The following TRDN variants were observed in gnomAD, a reference collection of about 807,000 sequenced individuals.
The protein encoded by TRDN is triadin in skeletal muscle.
Under a neutral mutation model 149.7 loss-of-function variants are expected in TRDN, and 161 were observed. That is an observed-to-expected ratio of 1.08 (90% CI 0.95 to 1.23). The LOEUF is 1.23. Among genes scored for constraint, TRDN ranks in the 50% most tolerant of loss-of-function variants. The probability of loss-of-function intolerance (pLI) is 0.00; values close to 1 mark genes in which losing one functional copy is unlikely to be tolerated. For synonymous variants in TRDN, 294 were observed against 250.5 expected (o/e 1.17, Z -1.64); for missense variants, 896 against 823.5 (o/e 1.09, Z -1.08).
At chr6:123,475,931 G>C (rs1221378926) in intron 9 of TRDN, among the ~76,000 whole-genome samples, 3 of 148,524 alleles carry the variant, frequency 2.0e-5, no homozygotes, top group Non-Finnish European at 4.5e-5. Flanking sequence ...AGCTATCTAT[G>C]ACAAACCCAC....
chr6:123,472,111 C>T (rs1287273660), intron 9 of TRDN, among the ~76,000 whole-genome samples: 2 of 150,652 alleles, frequency 1.3e-5, no homozygotes, highest in African/African-American at 2.5e-5. Context: ...CTCCAGTCTA[C>T]AGCTCCCAGC....
intron 1 of TRDN, among the ~76,000 whole-genome samples, chr6:123,594,923 G>T (rs1783961218): frequency 7.1e-6 from 1 of 141,530 alleles, no homozygotes; most frequent in Admixed American, 7.0e-5. Context: ...AAGCAAACAA[G>T]CAAGTGAAAA....
chr6:123,450,311 C>T (rs1775692573), intron 10 of TRDN, among the ~76,000 whole-genome samples: 1 of 152,088 alleles, frequency 6.6e-6, no homozygotes, highest in South Asian at 2.1e-4. Context: ...TAAGAAATCA[C>T]CAACCAACTA....
chr6:123,451,547 C>A (rs1775772181), intron 10 of TRDN, among the ~76,000 whole-genome samples: 1 of 151,932 alleles, frequency 6.6e-6, no homozygotes, highest in Non-Finnish European at 1.5e-5. Context: ...TAGTTTAAAT[C>A]AGGAAGAATT....
chr6:123,329,764 T>C (rs1465780326), intron 23 of TRDN, among the ~76,000 whole-genome samples: 1 of 152,080 alleles, frequency 6.6e-6, no homozygotes, highest in Non-Finnish European at 1.5e-5. Context: ...TAAAAATGAC[T>C]AATTAAAATC....
chr6:123,379,312 G>A (rs565377872), intron 16 of TRDN, among the ~76,000 whole-genome samples: 1 of 152,230 alleles, frequency 6.6e-6, no homozygotes, highest in East Asian at 1.9e-4. Flanking sequence ...TTTTAAGACA[G>A]CCTTTAAGCA....
chr6:123,502,411 T>C (rs1271239631), intron 8 of TRDN: 1 of 605,068 alleles, frequency 1.7e-6, no homozygotes, highest in African/African-American at 2.0e-5. Context: ...ATATGACTTA[T>C]ATCTTAAAAT....
At chr6:123,290,162 C>A (rs2114648943) in intron 24 of TRDN, among the ~76,000 whole-genome samples, 1 of 152,252 alleles carries the variant, frequency 6.6e-6, no homozygotes, top group South Asian at 2.1e-4. Flanking sequence ...TTCACTCCTT[C>A]CCTTCTTTAT....
intron 38 of TRDN, among the ~76,000 whole-genome samples, chr6:123,240,337 C>A (rs1775945070): frequency 6.6e-6 from 1 of 151,336 alleles, no homozygotes. Flanking sequence ...TAAATGAAAG[C>A]TATGAAAAAA....
rs79684861 is a variant in TRDN, at chr6:123,369,374, A to G, written c.1274-3192T>C. Among the ~76,000 whole-genome samples the G allele has an allele frequency of 3.0e-3, 459 of 152,180 alleles. 12 individuals are homozygous for G. In the East Asian group the frequency reaches 0.075, roughly 25 times the overall value. On this transcript the variant is annotated intron_variant, in intron 19 of 40. Transcript: ENST00000334268. Reference sequence around the variant, plus strand: ...ATAGGTACCAGGGTAGAGCTTCAACATATCTTTTGGTGGGAGGCACGAATC... The same window carrying G: ...ATAGGTACCAGGGTAGAGCTTCAACGTATCTTTTGGTGGGAGGCACGAATC...
chr6:123,431,779 G>T (rs900706073), intron 12 of TRDN, among the ~76,000 whole-genome samples: 1 of 152,080 alleles, frequency 6.6e-6, no homozygotes, highest in African/African-American at 2.4e-5. Context: ...TAAGTGATCT[G>T]TAGTCTGCCA....
intron 13 of TRDN, among the ~76,000 whole-genome samples, chr6:123,390,823 A>C (rs1782083172): frequency 6.6e-6 from 1 of 152,094 alleles, no homozygotes; most frequent in African/African-American, 2.4e-5. Context: ...TCACATTGTA[A>C]AAAGACTGGA....
intron 38 of TRDN, among the ~76,000 whole-genome samples, chr6:123,237,622 A>G (rs1447057701): frequency 3.9e-5 from 6 of 152,152 alleles, no homozygotes; most frequent in Non-Finnish European, 7.3e-5. Flanking sequence ...TGCTACATAG[A>G]CAATCATGTG....
chr6:123,236,460 T>C lies in TRDN; in HGVS notation c.1976-12329A>G, dbSNP rs565492637. On this transcript the variant is annotated intron_variant, in intron 38 of 40. Coordinates refer to ENST00000334268, the MANE Select transcript of TRDN (RefSeq NM_006073.4). ...ACACATTTTTAATTTTGAGATGGTA[T>C]ACAATTTATTATTTTTTCTTTTACA... Among the ~76,000 whole-genome samples, 58 of 152,324 alleles carry C rather than the reference T, an allele frequency of 3.8e-4. 2 individuals carry two copies. The South Asian group carries it at 0.011, about 28-fold the overall frequency.
chr6:123,622,318 G>GAC (rs67160946), intron 1 of TRDN, among the ~76,000 whole-genome samples: 6,114 of 123,636 alleles, frequency 0.049, 131 homozygotes, highest in Middle Eastern at 0.093. Context: ...TATATATACA[G>GAC]ACACACACAC....
intron 2 of TRDN, among the ~76,000 whole-genome samples, chr6:123,552,137 A>G (rs1382498566): frequency 6.6e-6 from 1 of 152,154 alleles, no homozygotes; most frequent in Non-Finnish European, 1.5e-5. Flanking sequence ...CTCAGTGTTC[A>G]AGTCATTCTT....
chr6:123,614,487 T>C (rs1784987128), intron 1 of TRDN, among the ~76,000 whole-genome samples: 1 of 151,454 alleles, frequency 6.6e-6, no homozygotes, highest in Non-Finnish European at 1.5e-5. Flanking sequence ...AATACAATTT[T>C]AGAAAATTAT....
intron 33 of TRDN, among the ~76,000 whole-genome samples, chr6:123,262,491 T>C (rs1776807190): frequency 6.6e-6 from 1 of 152,064 alleles, no homozygotes; most frequent in South Asian, 2.1e-4. Flanking sequence ...AGGCATTCCC[T>C]CATACATCCT....
intron 26 of TRDN, among the ~76,000 whole-genome samples, chr6:123,275,613 GTGC>G (rs1777343836): frequency 6.6e-6 from 1 of 152,102 alleles, no homozygotes; most frequent in Non-Finnish European, 1.5e-5. Context: ...AGGAACATAG[GTGC>G]TGCTGAAACA....
Sources: allele counts gnomAD v4.1 joint callset (sites outside exome capture counted in the v4.1 genomes callset), GRCh38; gene constraint gnomAD v4.1.1; transcripts MANE v1.5; gene names NCBI Gene and HGNC (gene_info 2026-07-23, HGNC 2026-07-21).